Variants in DAB1 observed in about 807,000 individuals in gnomAD.
DAB1 encodes DAB adaptor protein 1.
In DAB1, 15 loss-of-function variants were observed where a neutral mutation model predicts 64.6. The ratio of observed to expected loss-of-function variants is 0.23; its 90% CI spans 0.16 to 0.36. The LOEUF (loss-of-function observed/expected upper bound fraction) is 0.36, where lower values mean the gene tolerates loss of function less well. Among genes scored for constraint, DAB1 ranks in the 10% least tolerant of loss-of-function variants. The pLI, the probability that DAB1 is intolerant of heterozygous loss-of-function variation, is 1.00. For synonymous variants in DAB1, 235 were observed against 251.9 expected (o/e 0.93, Z 0.64); for missense variants, 596 against 706.7 (o/e 0.84, Z 1.78).
intron 9 of DAB1, among the ~76,000 whole-genome samples, chr1:57,042,352 C>T (rs1048867190): frequency 2.5e-4 from 38 of 152,300 alleles, no homozygotes; most frequent in South Asian, 1.0e-3. Context: ...CATCTCAGGC[C>T]TTGGCATAAG....
chr1:57,619,672 G>A (rs1044838074), intron 7 of DAB1, among the ~76,000 whole-genome samples: 2 of 152,168 alleles, frequency 1.3e-5, no homozygotes, highest in Admixed American at 1.3e-4. Context: ...ACGGTGCTAT[G>A]ATTACAGACA....
At chr1:57,380,862 C>T (rs1253879326) in intron 1 of DAB1, among the ~76,000 whole-genome samples, 1 of 152,142 alleles carries the variant, frequency 6.6e-6, no homozygotes, top group Admixed American at 6.5e-5. Context: ...CCTAAGTCCT[C>T]CTTCAAACTC....
intron 5 of DAB1, among the ~76,000 whole-genome samples, chr1:58,050,128 C>T (rs1250328949): frequency 6.6e-6 from 1 of 151,964 alleles, no homozygotes; most frequent in East Asian, 1.9e-4. Context: ...GTACAAAGGC[C>T]CTGAGTTAAA....
chr1:57,918,114 T>C (rs1443872236), intron 5 of DAB1, among the ~76,000 whole-genome samples: 1 of 147,454 alleles, frequency 6.8e-6, no homozygotes, highest in African/African-American at 2.5e-5. Context: ...AATATAAAAA[T>C]ATGATTTACA....
chr1:58,053,532 C>A (rs1057323002), intron 5 of DAB1, among the ~76,000 whole-genome samples: 1 of 152,112 alleles, frequency 6.6e-6, no homozygotes, highest in Non-Finnish European at 1.5e-5. Context: ...GAGGAATCTG[C>A]CCCCATCACT....
chr1:57,901,375 A>G (rs754290863), intron 5 of DAB1, among the ~76,000 whole-genome samples: 25 of 152,128 alleles, frequency 1.6e-4, no homozygotes, highest in Non-Finnish European at 2.9e-4. Context: ...CCCTGCAATC[A>G]GCTAGGAAGA....
At chr1:58,126,503 T>C (rs1453929363) in intron 5 of DAB1, among the ~76,000 whole-genome samples, 1 of 151,812 alleles carries the variant, frequency 6.6e-6, no homozygotes, top group Non-Finnish European at 1.5e-5. Flanking sequence ...ATGTGCACAT[T>C]GTGCAGGTTA....
chr1:57,618,246 C>A (rs775300172), intron 7 of DAB1, among the ~76,000 whole-genome samples: 6 of 152,052 alleles, frequency 3.9e-5, no homozygotes, highest in Admixed American at 3.9e-4. Flanking sequence ...GAAACCCCAT[C>A]TCTACTAAAA....
At position 57,041,005 on chromosome 1, in the gene DAB1, C is replaced by G. The variant is rs190800699; in HGVS notation, c.724-14962G>C. Among the ~76,000 whole-genome samples, 11 of 152,170 alleles carry G rather than the reference C, an allele frequency of 7.2e-5. No individual in the cohort carries two copies. The East Asian group carries it at 7.8e-4, about 11-fold the overall frequency. ...GGTCCAGATGGCATCCAAATGGTAA[C>G]AAGAAATATTGGAGGGAGCTGAAAT... On this transcript the variant is annotated intron_variant, in intron 9 of 14. Coordinates refer to ENST00000371236, the MANE Select transcript of DAB1 (RefSeq NM_001365792.1).
intron 5 of DAB1, among the ~76,000 whole-genome samples, chr1:58,063,071 A>G (rs1048498880): frequency 6.6e-6 from 1 of 152,210 alleles, no homozygotes; most frequent in African/African-American, 2.4e-5. Flanking sequence ...GCAAGGCAAC[A>G]TTGTCCTCAC....
intron 7 of DAB1, among the ~76,000 whole-genome samples, chr1:57,446,449 T>C (rs893362436): frequency 6.6e-6 from 1 of 151,878 alleles, no homozygotes; most frequent in East Asian, 1.9e-4. Context: ...AATAAAAAAT[T>C]AGCCGGGCTT....
chr1:57,450,648 G>A (rs79894168), intron 7 of DAB1, among the ~76,000 whole-genome samples: 1,672 of 152,286 alleles, frequency 0.011, 40 homozygotes, highest in African/African-American at 0.037. Flanking sequence ...TGGACATCTC[G>A]AATTATCTTC....
chr1:57,139,191 G>A (rs146263608), intron 3 of DAB1, among the ~76,000 whole-genome samples: 1 of 152,114 alleles, frequency 6.6e-6, no homozygotes, highest in African/African-American at 2.4e-5. Context: ...TGATAGTACC[G>A]GGAGGTGATT....
intron 2 of DAB1, among the ~76,000 whole-genome samples, chr1:57,164,637 T>C (rs976173930): frequency 6.6e-6 from 1 of 152,188 alleles, no homozygotes; most frequent in African/African-American, 2.4e-5. Context: ...TGAGTAGTCA[T>C]CTTTTCCTGC....
chr1:57,539,391 G>A (rs1644774264), intron 7 of DAB1, among the ~76,000 whole-genome samples: 1 of 152,170 alleles, frequency 6.6e-6, no homozygotes, highest in East Asian at 1.9e-4. Flanking sequence ...GCTGATTCAA[G>A]CACTTATTTT....
At chr1:57,538,716 C>A (rs1222285544) in intron 7 of DAB1, among the ~76,000 whole-genome samples, 1 of 152,158 alleles carries the variant, frequency 6.6e-6, no homozygotes, top group African/African-American at 2.4e-5. Context: ...CCATTGCTGC[C>A]ATGGATGGCG....
chr1:58,467,636 A>G (rs1252821191), intron 3 of DAB1, among the ~76,000 whole-genome samples: 1 of 152,198 alleles, frequency 6.6e-6, no homozygotes, highest in Admixed American at 6.5e-5. Flanking sequence ...TTAAGACTCA[A>G]CTGCTGGCAT....
At chr1:57,297,335 A>T (rs943727487) in intron 1 of DAB1, among the ~76,000 whole-genome samples, 10 of 152,176 alleles carry the variant, frequency 6.6e-5, no homozygotes, top group African/African-American at 1.9e-4. Flanking sequence ...AGGTAAACAT[A>T]TTGCATTAAT....
intron 5 of DAB1, among the ~76,000 whole-genome samples, chr1:58,015,216 C>A (rs1646721623): frequency 6.6e-6 from 1 of 152,096 alleles, no homozygotes; most frequent in Non-Finnish European, 1.5e-5. Context: ...TACAGAACAA[C>A]CAACTTTCCT....
Sources: allele counts gnomAD v4.1 joint callset (sites outside exome capture counted in the v4.1 genomes callset), GRCh38; gene constraint gnomAD v4.1.1; transcripts MANE v1.5; gene names NCBI Gene and HGNC (gene_info 2026-07-23, HGNC 2026-07-21).